FGGY: variants seen among roughly 807,000 people sequenced by gnomAD.
FGGY encodes the protein FGGY carbohydrate kinase domain containing, also known as FGGY carbohydrate kinase domain-containing protein.
In FGGY, 72 loss-of-function variants were observed where a neutral mutation model predicts 71.3. That is an observed-to-expected ratio of 1.01 (90% CI 0.84 to 1.23). FGGY has a LOEUF of 1.23. FGGY is among the 50% of genes most tolerant of loss of function. The pLI is 0.00. For missense variants in FGGY, 668 were observed against 682.3 expected (o/e 0.98, Z 0.23); for synonymous variants, 251 against 250.3 (o/e 1.00, Z -0.02).
intron 14 of FGGY, among the ~76,000 whole-genome samples, chr1:59,709,738 C>T (rs2097780804): frequency 6.6e-6 from 1 of 152,154 alleles, no homozygotes; most frequent in Non-Finnish European, 1.5e-5. Flanking sequence ...TGTATATCCC[C>T]CAATTTGTGG....
At chr1:59,685,787 C>T (rs369299588) in intron 14 of FGGY, among the ~76,000 whole-genome samples, 4 of 152,126 alleles carry the variant, frequency 2.6e-5, no homozygotes, top group African/African-American at 9.7e-5. Flanking sequence ...TGAGGTCTCG[C>T]TCTATTGCCC....
chr1:59,397,412 C>G (rs1365854269), intron 5 of FGGY, among the ~76,000 whole-genome samples: 1 of 152,210 alleles, frequency 6.6e-6, no homozygotes, highest in Non-Finnish European at 1.5e-5. Flanking sequence ...TCCTGAATAA[C>G]AGCCACAGAA....
intron 6 of FGGY, among the ~76,000 whole-genome samples, chr1:59,460,957 G>A (rs1350273890): frequency 3.3e-5 from 5 of 152,146 alleles, no homozygotes; most frequent in Non-Finnish European, 2.9e-5. Flanking sequence ...CTATAAAGAT[G>A]GAGAGAAACC....
chr1:59,708,709 A>G (rs1027976391), intron 14 of FGGY, among the ~76,000 whole-genome samples: 3 of 152,218 alleles, frequency 2.0e-5, no homozygotes, highest in Non-Finnish European at 4.4e-5. Context: ...AAAGGGAGAG[A>G]GTTGGGACCT....
chr1:59,514,854 C>G (rs1027955697), intron 7 of FGGY, among the ~76,000 whole-genome samples: 7 of 152,186 alleles, frequency 4.6e-5, no homozygotes, highest in African/African-American at 1.4e-4. Context: ...CCTTTTCTTC[C>G]TTGTCTCGGG....
At chr1:59,637,768 C>T (rs2096976454) in intron 10 of FGGY, among the ~76,000 whole-genome samples, 1 of 152,148 alleles carries the variant, frequency 6.6e-6, no homozygotes, top group South Asian at 2.1e-4. Context: ...TTTATCAACT[C>T]ATCATCATTA....
chr1:59,587,251 C>T (rs1477342437), intron 8 of FGGY, among the ~76,000 whole-genome samples: 1 of 152,150 alleles, frequency 6.6e-6, no homozygotes, highest in East Asian at 1.9e-4. Flanking sequence ...GAGGGGCGCC[C>T]GCCATTGCCC....
intron 14 of FGGY, among the ~76,000 whole-genome samples, chr1:59,684,524 G>A (rs909593807): frequency 2.0e-5 from 3 of 152,188 alleles, no homozygotes; most frequent in Admixed American, 6.5e-5. Context: ...AGCGGAAGAA[G>A]GAGCTTGGGC....
chr1:59,601,768 TA>T (rs560750136), intron 8 of FGGY, among the ~76,000 whole-genome samples: 20 of 152,352 alleles, frequency 1.3e-4, no homozygotes, highest in South Asian at 4.1e-4. Flanking sequence ...TTTTCATGTT[TA>T]AAACAGTAGT....
At chr1:59,694,481 T>C (rs1019981075) in intron 14 of FGGY, among the ~76,000 whole-genome samples, 2 of 152,084 alleles carry the variant, frequency 1.3e-5, no homozygotes, top group African/African-American at 4.8e-5. Flanking sequence ...ATGCCCAGTA[T>C]GCATGCCTGC....
chr1:59,524,506 A>G (rs1164921596), intron 7 of FGGY, among the ~76,000 whole-genome samples: 3 of 152,182 alleles, frequency 2.0e-5, no homozygotes, highest in African/African-American at 4.8e-5. Flanking sequence ...GGGTCCACCC[A>G]TGGCTACCCA....
At chr1:59,693,037 C>T (rs1183263853) in intron 14 of FGGY, among the ~76,000 whole-genome samples, 4 of 152,190 alleles carry the variant, frequency 2.6e-5, no homozygotes, top group Non-Finnish European at 5.9e-5. Context: ...ATCATTATTA[C>T]TACCAGTAGT....
intron 14 of FGGY, among the ~76,000 whole-genome samples, chr1:59,730,933 A>C (rs1299698104): frequency 6.6e-6 from 1 of 152,216 alleles, no homozygotes; most frequent in African/African-American, 2.4e-5. Context: ...TTAGTAGCCC[A>C]CGCAAGGCAG....
At chr1:59,424,727 G>A (rs896932259) in intron 5 of FGGY, among the ~76,000 whole-genome samples, 1 of 152,054 alleles carries the variant, frequency 6.6e-6, no homozygotes, top group Non-Finnish European at 1.5e-5. Context: ...CTTCACACTT[G>A]GCATACAGTC....
intron 5 of FGGY, among the ~76,000 whole-genome samples, chr1:59,409,301 C>G (rs2063227296): frequency 6.6e-6 from 1 of 152,058 alleles, no homozygotes; most frequent in Admixed American, 6.6e-5. Context: ...TTCATTTGTC[C>G]CTTTCATATG....
chr1:59,760,290 A>G (rs2098330662), intron 15 of FGGY, among the ~76,000 whole-genome samples: 1 of 152,206 alleles, frequency 6.6e-6, no homozygotes, highest in Admixed American at 6.5e-5. Context: ...AAAACAGAAA[A>G]CAACAAATGT....
At chr1:59,470,485 C>A (rs913676375) in intron 6 of FGGY, among the ~76,000 whole-genome samples, 1 of 152,174 alleles carries the variant, frequency 6.6e-6, no homozygotes, top group Non-Finnish European at 1.5e-5. Flanking sequence ...TTTAACACGG[C>A]CTCATGGATA....
intron 8 of FGGY, among the ~76,000 whole-genome samples, chr1:59,590,502 C>T (rs1258275081): frequency 1.3e-5 from 2 of 152,158 alleles, no homozygotes; most frequent in East Asian, 3.9e-4. Context: ...GAATTTTAGA[C>T]CAATATCCTT....
intron 7 of FGGY, among the ~76,000 whole-genome samples, chr1:59,544,316 G>A (rs987554609): frequency 1.3e-5 from 2 of 152,188 alleles, no homozygotes; most frequent in Non-Finnish European, 2.9e-5. Context: ...GGCAAGAAGG[G>A]CATGATTTAA....
Sources: gnomAD v4.1 joint callset for allele counts (sites outside exome capture counted in the v4.1 genomes callset) on GRCh38, gnomAD v4.1.1 for gene constraint, MANE v1.5 for transcripts, NCBI Gene and HGNC (gene_info 2026-07-23, HGNC 2026-07-21) for gene names.